The following RP1 variants were observed in gnomAD, a reference collection of about 807,000 sequenced individuals.
The protein encoded by RP1 is oxygen-regulated protein 1.
A neutral mutation model predicts 14.8 loss-of-function variants in RP1; 16 were observed. The ratio of observed to expected loss-of-function variants is 1.08; its 90% confidence interval spans 0.73 to 1.65. The LOEUF (loss-of-function observed/expected upper bound fraction) is 1.65, where lower values mean the gene tolerates loss of function less well. Ranked by LOEUF, RP1 falls within the 40% of genes most tolerant of loss-of-function variation. The pLI, the probability that RP1 is intolerant of heterozygous loss-of-function variation, is 0.00. For synonymous variants in RP1, 876 were observed against 883.6 expected, an observed-to-expected ratio of 0.99 and a Z score of 0.15; for missense variants, 2,631 against 2,535.0, an observed-to-expected ratio of 1.04 and a Z score of -0.81.
intron 1 of RP1, among the ~76,000 whole-genome samples, chr8:54,606,734 G>C (rs1315490833): frequency 6.6e-6 from 1 of 151,944 alleles, no homozygotes; most frequent in African/African-American, 2.4e-5. Flanking sequence ...TGGAGGCTTT[G>C]TTTGTTTCTT....
chr8:54,730,581 G>C (rs1808770276), intron 17 of RP1, among the ~76,000 whole-genome samples: 1 of 152,024 alleles, frequency 6.6e-6, no homozygotes, highest in South Asian at 2.1e-4. Context: ...TTTATATTAA[G>C]ATCATTAGGA....
rs1024863815 is a variant in RP1 at position 54,630,514 on chromosome 8, A to G, written c.*161A>G. ...TTGGATAACCAGTTTGACTTTCATA[A>G]TGTCTCTGTTTTTTGTTTTTCCAAC... On this transcript the variant is annotated 3_prime_UTR_variant, in exon 4 of 4. Transcript: ENST00000220676. 16 of 1,432,186 alleles carry G rather than the reference A, an allele frequency of 1.1e-5. No homozygotes were observed. In the African/African-American group the frequency reaches 2.3e-4, roughly 21 times the overall value. 88.7% of individuals were successfully genotyped at this position (1,432,186 alleles called of 1,614,324 possible).
chr8:54,694,919 C>A (rs1048545816), intron 12 of RP1, among the ~76,000 whole-genome samples: 1 of 151,992 alleles, frequency 6.6e-6, no homozygotes, highest in African/African-American at 2.4e-5. Context: ...GTTAGGATGT[C>A]AATTTTGGAT....
intron 24 of RP1, among the ~76,000 whole-genome samples, chr8:54,817,602 G>T (rs1585717925): frequency 6.6e-6 from 1 of 152,306 alleles, no homozygotes; most frequent in East Asian, 1.9e-4. Flanking sequence ...TCTGTGGAAA[G>T]TAGAGTATAT....
At chr8:54,610,834 G>A (rs145891499) in intron 1 of RP1, among the ~76,000 whole-genome samples, 20 of 152,280 alleles carry the variant, frequency 1.3e-4, no homozygotes, top group East Asian at 1.2e-3. Context: ...CCTAATTGGC[G>A]TACCTGAATT....
At chr8:54,699,581 A>G in intron 13 of RP1, 1 of 1,320,550 alleles carries the variant, frequency 7.6e-7, no homozygotes, top group South Asian at 2.1e-5. Flanking sequence ...GTGTGTAGTA[A>G]ATTTTCTTTT....
chr8:54,652,100 C>T (rs575442671), intron 4 of RP1, among the ~76,000 whole-genome samples: 29 of 151,982 alleles, frequency 1.9e-4, no homozygotes, highest in African/African-American at 2.4e-4. Context: ...CTCTGCCTCC[C>T]GAGTTCAAGC....
At chr8:54,760,335 C>T (rs930873465) in intron 22 of RP1, among the ~76,000 whole-genome samples, 4 of 152,192 alleles carry the variant, frequency 2.6e-5, no homozygotes, top group African/African-American at 7.2e-5. Flanking sequence ...GTCTTTCTTT[C>T]GCAGCCTACC....
intron 17 of RP1, among the ~76,000 whole-genome samples, chr8:54,730,644 C>G (rs1212562719): frequency 1.3e-5 from 2 of 151,980 alleles, no homozygotes; most frequent in Non-Finnish European, 2.9e-5. Flanking sequence ...ATCTTTCAAC[C>G]AAGACACAGA....
chr8:54,716,887 A>G (rs936869263), intron 15 of RP1, among the ~76,000 whole-genome samples: 3 of 152,166 alleles, frequency 2.0e-5, no homozygotes, highest in African/African-American at 4.8e-5. Flanking sequence ...GTTTCCTGGG[A>G]TAGCCCCTCA....
At chr8:54,600,832 C>T (rs574259632) in intron 1 of RP1, among the ~76,000 whole-genome samples, 5 of 152,250 alleles carry the variant, frequency 3.3e-5, no homozygotes, top group African/African-American at 1.2e-4. Context: ...CTGCTCCTAT[C>T]GGTGTTTTTT....
intron 9 of RP1, chr8:54,679,299 G>A (rs1430142275): frequency 4.8e-6 from 4 of 835,800 alleles, no homozygotes; most frequent in South Asian, 1.6e-5. Context: ...GCCTTTGAGA[G>A]CCAGATAGCC....
intron 12 of RP1, among the ~76,000 whole-genome samples, chr8:54,693,577 G>A (rs1384977996): frequency 1.3e-5 from 2 of 152,068 alleles, no homozygotes; most frequent in Non-Finnish European, 2.9e-5. Context: ...TCTCTTTGAA[G>A]CAATTGTGAA....
At chr8:54,608,232 A>G (rs556682878) in intron 1 of RP1, among the ~76,000 whole-genome samples, 1 of 146,806 alleles carries the variant, frequency 6.8e-6, no homozygotes, top group African/African-American at 2.6e-5. Context: ...TCTGTTGCCC[A>G]GGCTGGAGTG....
intron 24 of RP1, among the ~76,000 whole-genome samples, chr8:54,835,592 C>T (rs1357666650): frequency 7.2e-6 from 1 of 138,050 alleles, no homozygotes; most frequent in Non-Finnish European, 1.6e-5. Context: ...ATACAAAATT[C>T]TGACTCATAA....
chr8:54,735,867 G>T (rs1430246719), intron 18 of RP1, among the ~76,000 whole-genome samples: 4 of 152,136 alleles, frequency 2.6e-5, no homozygotes, highest in Admixed American at 6.5e-5. Context: ...TTTATATGCT[G>T]ATAAATCCTA....
intron 19 of RP1, among the ~76,000 whole-genome samples, chr8:54,743,750 G>T (rs1052291418): frequency 2.0e-5 from 3 of 152,080 alleles, no homozygotes; most frequent in Non-Finnish European, 2.9e-5. Context: ...TTCTCAAGGA[G>T]CCCTAGTTTA....
At chr8:54,581,757 T>C (rs990745902) in intron 1 of RP1, among the ~76,000 whole-genome samples, 16 of 152,232 alleles carry the variant, frequency 1.1e-4, no homozygotes, top group Non-Finnish European at 1.6e-4. Flanking sequence ...TGATGGCCAG[T>C]GATAATGAGC....
chr8:54,744,207 G>A lies in RP1; in HGVS notation c.2808+5178G>A, dbSNP rs1809167566. 2.0e-5 allele frequency among the ~76,000 whole-genome samples: 3 copies of A among 152,346 alleles called. No homozygotes were observed. The Middle Eastern group carries it at 0.01, about 518-fold the overall frequency. Reference sequence around the variant, plus strand: ...AAGATATGACCATGGTGCAGAGGCAGTAGCACACATATTATATTAGGTGAT... The same window carrying A: ...AAGATATGACCATGGTGCAGAGGCAATAGCACACATATTATATTAGGTGAT... On this transcript the variant is annotated intron_variant, in intron 19 of 22. Coordinates refer to the RP1 transcript ENST00000636932.
Sources: allele counts gnomAD v4.1 joint callset (sites outside exome capture counted in the v4.1 genomes callset), GRCh38; gene constraint gnomAD v4.1.1; transcripts MANE v1.5; gene names NCBI Gene and HGNC (gene_info 2026-07-23, HGNC 2026-07-21).